Variants in PTPRD observed in about 807,000 individuals in gnomAD.
PTPRD encodes the protein protein tyrosine phosphatase receptor type D, also known as receptor-type tyrosine-protein phosphatase delta.
Under a neutral mutation model 214.5 loss-of-function variants are expected in PTPRD, and 34 were observed. That is an observed-to-expected ratio of 0.16 (90% CI 0.12 to 0.21). The LOEUF (loss-of-function observed/expected upper bound fraction) is 0.21. Among genes scored for constraint, PTPRD ranks in the 10% least tolerant of loss-of-function variants. The probability of loss-of-function intolerance (pLI) is 1.00; values close to 1 mark genes in which losing one functional copy is unlikely to be tolerated. For missense variants in PTPRD, 2,545 were observed against 2,398.7 expected (o/e 1.06, Z -1.27); for synonymous variants, 1,128 against 845.7 (o/e 1.33, Z -5.79).
In PTPRD at chr9:8,909,329, T is replaced by C. The variant is rs77268113; in HGVS notation, c.-104+109368A>G. Among the ~76,000 whole-genome samples the C allele has an allele frequency of 9.8e-4, 149 of 152,216 alleles. 1 individual carries two copies. Among genetic ancestry groups the C allele is most frequent in the African/African-American group, 3.5e-3 (147 of 41,562 alleles). On this transcript the variant is annotated intron_variant, in intron 11 of 45. Coordinates refer to ENST00000381196, the MANE Select transcript of PTPRD (RefSeq NM_002839.4). The stretch of plus-strand genomic sequence containing the variant: ...ATAAAAATAAAACTTTAAAGCAATA[T>C]TGCTTGTGGACATAGACACAACAAT...
At chr9:9,550,934 A>G (rs2080065047) in intron 8 of PTPRD, among the ~76,000 whole-genome samples, 1 of 152,016 alleles carries the variant, frequency 6.6e-6, no homozygotes. Context: ...ATAAAAATTA[A>G]TGATATCACC....
chr9:8,981,703 T>C (rs1024901182), intron 11 of PTPRD, among the ~76,000 whole-genome samples: 1 of 152,008 alleles, frequency 6.6e-6, no homozygotes, highest in Non-Finnish European at 1.5e-5. Flanking sequence ...TTTCTTTTTC[T>C]CCTCCTTATA....
rs1015752658 is a variant in PTPRD at position 9,251,657 on chromosome 9, G to A, written c.-202-68294C>T. On this transcript the variant is annotated intron_variant, in intron 9 of 45. Transcript: ENST00000381196. ...TTTTTTGTATTTTACACCACACAAG[G>A]CTGAGAGTTCTTTAGGATAAGAAGT... is the stretch of plus-strand genomic sequence containing the variant. Among the ~76,000 whole-genome samples, 4 of 151,992 alleles carry A rather than the reference G, an allele frequency of 2.6e-5. 1 individual carries two copies. The South Asian group carries it at 6.2e-4, about 24-fold the overall frequency.
chr9:8,625,499 G>C (rs903164563), intron 14 of PTPRD, among the ~76,000 whole-genome samples: 1 of 151,672 alleles, frequency 6.6e-6, no homozygotes, highest in East Asian at 1.9e-4. Flanking sequence ...ATGATTTATA[G>C]CTTCATTTTT....
intron 9 of PTPRD, among the ~76,000 whole-genome samples, chr9:9,241,648 C>A (rs1221899407): frequency 6.6e-6 from 1 of 151,894 alleles, no homozygotes; most frequent in Non-Finnish European, 1.5e-5. Flanking sequence ...CCTGTTTTAT[C>A]AGAGACTAGG....
intron 10 of PTPRD, among the ~76,000 whole-genome samples, chr9:9,046,080 T>G (rs324534): frequency 0.26 from 39,321 of 152,124 alleles, 5,895 homozygotes; most frequent in Middle Eastern, 0.33. Context: ...ACACTCATGC[T>G]TTATTTTTAT....
chr9:10,132,431 C>T (rs924587044), intron 3 of PTPRD, among the ~76,000 whole-genome samples: 2 of 151,822 alleles, frequency 1.3e-5, no homozygotes, highest in South Asian at 4.1e-4. Flanking sequence ...AAACACCTGC[C>T]ATATGATGAG....
intron 11 of PTPRD, among the ~76,000 whole-genome samples, chr9:8,915,538 TAC>T (rs1028311967): frequency 1.3e-5 from 2 of 151,940 alleles, no homozygotes; most frequent in Admixed American, 6.6e-5. Flanking sequence ...TTTACAAGTA[TAC>T]ACACACACAC....
chr9:10,416,675 G>T (rs1273028134), intron 2 of PTPRD, among the ~76,000 whole-genome samples: 17 of 151,768 alleles, frequency 1.1e-4, no homozygotes, highest in Non-Finnish European at 2.2e-4. Flanking sequence ...TTGTAAAGCA[G>T]TAAGAAATAT....
At position 9,142,091 on chromosome 9, in the gene PTPRD, T is replaced by C. The variant is rs565420752; in HGVS notation, c.-143+41213A>G. 3.9e-5 allele frequency among the ~76,000 whole-genome samples: 6 copies of C among 152,374 alleles called. No individual in the cohort carries two copies. In the South Asian group the frequency reaches 1.2e-3, roughly 32 times the overall value. On this transcript the variant is annotated intron_variant, in intron 10 of 45. Transcript: ENST00000381196. ...TAATTCAATGTGCCAGTCTGTTCCT[T>C]GTGCTTGTAGGGACCATCTGCAGTT...
intron 3 of PTPRD, among the ~76,000 whole-genome samples, chr9:10,226,042 C>T (rs189832811): frequency 1.3e-5 from 2 of 152,146 alleles, no homozygotes; most frequent in East Asian, 3.9e-4. Flanking sequence ...AGGCCTGCTA[C>T]ATAATGTATA....
intron 5 of PTPRD, among the ~76,000 whole-genome samples, chr9:9,794,890 G>T (rs1379030036): frequency 6.6e-6 from 1 of 152,172 alleles, no homozygotes; most frequent in Non-Finnish European, 1.5e-5. Context: ...GAAGGGAAGA[G>T]AACCTAAAAG....
At chr9:9,775,482 C>G (rs967391972) in intron 5 of PTPRD, among the ~76,000 whole-genome samples, 4 of 152,140 alleles carry the variant, frequency 2.6e-5, no homozygotes, top group Non-Finnish European at 4.4e-5. Context: ...ATAATTAATT[C>G]ACCTCTGTAT....
At chr9:9,544,210 T>C (rs1335381942) in intron 8 of PTPRD, among the ~76,000 whole-genome samples, 1 of 151,604 alleles carries the variant, frequency 6.6e-6, no homozygotes, top group Non-Finnish European at 1.5e-5. Flanking sequence ...TTACCATTTC[T>C]CCCTAAAAAT....
At chr9:10,424,927 ATAG>A (rs2098598395) in intron 2 of PTPRD, among the ~76,000 whole-genome samples, 1 of 152,004 alleles carries the variant, frequency 6.6e-6, no homozygotes, top group Non-Finnish European at 1.5e-5. Flanking sequence ...TCTCTCCAAA[ATAG>A]TAGGAATTCA....
intron 2 of PTPRD, among the ~76,000 whole-genome samples, chr9:10,531,622 T>C (rs2056353412): frequency 6.6e-6 from 1 of 152,196 alleles, no homozygotes; most frequent in Non-Finnish European, 1.5e-5. Flanking sequence ...GGAAGTTCTC[T>C]GACATTGGAT....
intron 9 of PTPRD, among the ~76,000 whole-genome samples, chr9:9,345,904 T>A: frequency 6.6e-6 from 1 of 152,220 alleles, no homozygotes. Flanking sequence ...CTATTATTTC[T>A]CTAAATAGTG....
At chr9:10,577,182 G>C (rs1250796459) in intron 2 of PTPRD, among the ~76,000 whole-genome samples, 2 of 152,060 alleles carry the variant, frequency 1.3e-5, no homozygotes, top group Non-Finnish European at 2.9e-5. Flanking sequence ...GTTTAACAAG[G>C]ATATCCATTT....
chr9:10,414,738 C>A (rs1365666496), intron 2 of PTPRD, among the ~76,000 whole-genome samples: 8 of 151,914 alleles, frequency 5.3e-5, no homozygotes, highest in Admixed American at 5.3e-4. Flanking sequence ...TACACATACA[C>A]CATGGAATAC....
Sources: gnomAD v4.1 joint callset for allele counts (sites outside exome capture counted in the v4.1 genomes callset) on GRCh38, gnomAD v4.1.1 for gene constraint, MANE v1.5 for transcripts, NCBI Gene and HGNC (gene_info 2026-07-23, HGNC 2026-07-21) for gene names.